The following GALNT16 variants were observed in gnomAD, a reference collection of about 807,000 sequenced individuals.
GALNT16 encodes polypeptide N-acetylgalactosaminyltransferase 16.
Under a neutral mutation model 76.1 loss-of-function variants are expected in GALNT16, and 40 were observed. The ratio of observed to expected loss-of-function variants is 0.53; its 90% confidence interval spans 0.41 to 0.68. GALNT16 has a LOEUF of 0.68. Among genes scored for constraint, GALNT16 ranks in the 30% least tolerant of loss-of-function variants. GALNT16 has a pLI of 0.00. For missense variants in GALNT16, 621 were observed against 731.9 expected (o/e 0.85, Z 1.75); for synonymous variants, 276 against 285.2 (o/e 0.97, Z 0.32).
At chr14:69,339,154 G>A (rs542770762) in intron 10 of GALNT16, among the ~76,000 whole-genome samples, 2 of 152,254 alleles carry the variant, frequency 1.3e-5, no homozygotes, top group South Asian at 4.2e-4. Context: ...GGGTGCACTA[G>A]TCTCAAGGGA....
chr14:69,323,847 C>A (rs1012441347), intron 2 of GALNT16, among the ~76,000 whole-genome samples: 1 of 152,164 alleles, frequency 6.6e-6, no homozygotes, highest in Non-Finnish European at 1.5e-5. Context: ...AATGAAAAAA[C>A]GGGCACTGGT....
chr14:69,381,328 CT>C, the GALNT16 span, among the ~76,000 whole-genome samples: 1 of 152,272 alleles, frequency 6.6e-6, no homozygotes, highest in African/African-American at 2.4e-5. Context: ...TCTGAATTAA[CT>C]AAAAAACCTT....
At chr14:69,341,592 T>G in intron 11 of GALNT16, 89 bp from the exon 12 acceptor site, 2 of 801,390 alleles carry the variant, frequency 2.5e-6, no homozygotes, top group East Asian at 5.3e-5. Flanking sequence ...CCTGAGATAG[T>G]TGGGGCTGGG....
intron 9 of GALNT16, among the ~76,000 whole-genome samples, chr14:69,335,997 AAAACCC>A (rs2045410709): frequency 1.3e-5 from 2 of 152,138 alleles, no homozygotes; most frequent in Admixed American, 1.3e-4. Context: ...CATTCTGAGG[AAAACCC>A]AAACTCCTTA....
chr14:69,269,302 T>A (rs2044375483), intron 1 of GALNT16, among the ~76,000 whole-genome samples: 1 of 151,346 alleles, frequency 6.6e-6, no homozygotes, highest in Admixed American at 6.6e-5. Context: ...GTGGTGTCTG[T>A]GGTATGTGTA....
chr14:69,288,794 G>T (rs1302720246), intron 1 of GALNT16, among the ~76,000 whole-genome samples: 1 of 152,188 alleles, frequency 6.6e-6, no homozygotes, highest in Non-Finnish European at 1.5e-5. Context: ...ACCAACACCT[G>T]GAGAATGAGA....
intron 1 of GALNT16, among the ~76,000 whole-genome samples, chr14:69,282,616 G>A (rs538573012): frequency 3.3e-5 from 5 of 151,528 alleles, no homozygotes; most frequent in South Asian, 2.1e-4. Flanking sequence ...TGCAGGCCCC[G>A]TATCTGCTCT....
At chr14:69,288,553 T>C (rs2044647767) in intron 1 of GALNT16, among the ~76,000 whole-genome samples, 1 of 152,188 alleles carries the variant, frequency 6.6e-6, no homozygotes, top group East Asian at 1.9e-4. Context: ...GTTTCCTTCA[T>C]TCATTTTGCA....
At position 69,348,234 on chromosome 14, in the gene GALNT16, C is replaced by A. The variant is rs553344185; in HGVS notation, c.1539+232C>A. The A allele has an allele frequency of 1.0e-5, 6 of 597,534 alleles. No individual in the cohort carries two copies. The South Asian group carries it at 1.2e-4, about 12-fold the overall frequency. 37.0% of individuals were successfully genotyped at this position (597,534 alleles called of 1,614,324 possible). On this transcript the variant is annotated intron_variant, in intron 14 of 14. Transcript: ENST00000448469. ...TGCCATCCTGCCAGGCTGTGAGCTC[C>A]ATGAAGGCAGGGACCACTTGTCTTG...
the GALNT16 span, among the ~76,000 whole-genome samples, chr14:69,371,388 G>A: frequency 6.6e-6 from 1 of 151,654 alleles, no homozygotes; most frequent in Non-Finnish European, 1.5e-5. Context: ...CGAGTAGCTG[G>A]GATTACAGGC....
At chr14:69,279,377 C>G (rs1219596148) in intron 1 of GALNT16, among the ~76,000 whole-genome samples, 1 of 152,198 alleles carries the variant, frequency 6.6e-6, no homozygotes, top group East Asian at 1.9e-4. Flanking sequence ...GAGTGCCTCA[C>G]TTGTCTTACC....
the GALNT16 span, among the ~76,000 whole-genome samples, chr14:69,364,095 C>T: frequency 6.6e-6 from 1 of 152,178 alleles, no homozygotes; most frequent in African/African-American, 2.4e-5. This position sits in a 1 kb window ranked among gnomAD's most constrained non-coding sequence, Gnocchi z 4.2. Flanking sequence ...AGTATAGTAC[C>T]CCGTGCATGG....
At chr14:69,267,174 C>A (rs1181509421) in intron 1 of GALNT16, among the ~76,000 whole-genome samples, 1 of 152,252 alleles carries the variant, frequency 6.6e-6, no homozygotes, top group East Asian at 1.9e-4. Flanking sequence ...GGAGAAGCCA[C>A]AGCCCTGGCC....
At chr14:69,316,938 A>T (rs2045110643) in intron 1 of GALNT16, among the ~76,000 whole-genome samples, 1 of 152,214 alleles carries the variant, frequency 6.6e-6, no homozygotes, top group Non-Finnish European at 1.5e-5. Context: ...TTGAGTACCT[A>T]CTGTGTGCCA....
At chr14:69,273,775 TTGGCTCTGGTCTGGGCTCAGCCTAC>T (rs780820264) in intron 1 of GALNT16, among the ~76,000 whole-genome samples, 14 of 152,254 alleles carry the variant, frequency 9.2e-5, no homozygotes, top group South Asian at 4.1e-4. Flanking sequence ...GTAGGTGAGC[TTGGCTCTGGTCTGGGCTCAGCCTAC>T]TGGCAAGATA....
chr14:69,333,855 A>G lies in GALNT16; in HGVS notation c.967+255A>G. 1 of 452,784 alleles carries G rather than the reference A, an allele frequency of 2.2e-6. No individual in the cohort carries two copies. The highest frequency in any genetic ancestry group is 3.9e-6 in the Non-Finnish European group (1 of 256,108). The allele number at this position is 452,784 out of a possible 1,614,324, so 28.0% of individuals were successfully genotyped here. On this transcript the variant is annotated intron_variant, in intron 9 of 14. Transcript: ENST00000448469. The surrounding 1 kb of genome is among the most constrained non-coding windows in gnomAD (Gnocchi z 4.2). Reference sequence around the variant, plus strand: ...AAACAAAGAGGTTCTATTTAGGGGGAGCCCGTGGTCACATGGCTGGACATG... The same window carrying G: ...AAACAAAGAGGTTCTATTTAGGGGGGGCCCGTGGTCACATGGCTGGACATG...
Position 69,322,981 on chromosome 14 carries a change from T to TGTGC in GALNT16, c.336-1710_336-1709insTGCG, listed in dbSNP as rs1196943800. Among the ~76,000 whole-genome samples, 237 of 28,336 alleles carry TGTGC rather than the reference T, an allele frequency of 8.4e-3. 12 individuals carry two copies. Among genetic ancestry groups the TGTGC allele is most frequent in the South Asian group, 0.037 (24 of 650 alleles). 18.6% of individuals were successfully genotyped at this position (28,336 alleles called of 152,430 possible). ...GTGTGTGTGTGTGTGTGTGTGTGTG[T>TGTGC]GCGCGCGCACGCGCGCACGCATGCA... On this transcript the variant is annotated intron_variant, in intron 2 of 14. Coordinates refer to ENST00000448469, the MANE Select transcript of GALNT16 (RefSeq NM_001168368.2).
chr14:69,360,080 C>A (rs2045715153), downstream of GALNT16, among the ~76,000 whole-genome samples: 1 of 151,948 alleles, frequency 6.6e-6, no homozygotes, highest in Non-Finnish European at 1.5e-5. Flanking sequence ...TGGCCAGGCA[C>A]AGCGATTCCT....
chr14:69,281,445 C>T (rs1417811717), intron 1 of GALNT16, among the ~76,000 whole-genome samples: 2 of 152,150 alleles, frequency 1.3e-5, no homozygotes, highest in East Asian at 1.9e-4. Context: ...GGGTCCCACT[C>T]AGAGTCCCCA....
Sources: gnomAD v4.1 joint callset for allele counts (sites outside exome capture counted in the v4.1 genomes callset) on GRCh38, gnomAD v4.1.1 for gene constraint, Gnocchi (gnomAD v3.1) non-coding constraint, MANE v1.5 for transcripts, NCBI Gene and HGNC (gene_info 2026-07-23, HGNC 2026-07-21) for gene names.